GPM6A: variants seen among roughly 807,000 people sequenced by gnomAD.
The protein encoded by GPM6A is neuronal membrane glycoprotein M6-a.
Under a neutral mutation model 32.1 loss-of-function variants are expected in GPM6A, and 7 were observed. The observed-to-expected ratio is 0.22, with a 90% CI of 0.12 to 0.41. The LOEUF (loss-of-function observed/expected upper bound fraction) is 0.41. Among genes scored for constraint, GPM6A ranks in the 10% least tolerant of loss-of-function variants. GPM6A has a pLI of 1.00. For missense variants in GPM6A, 235 were observed against 347.2 expected (o/e 0.68, Z 2.57); for synonymous variants, 130 against 123.4 (o/e 1.05, Z -0.35).
chr4:175,996,846 C>T (rs191196576), intron 1 of GPM6A, among the ~76,000 whole-genome samples: 41 of 152,268 alleles, frequency 2.7e-4, no homozygotes, highest in African/African-American at 9.1e-4. Context: ...CGGCTACCCT[C>T]AATTTCTCCT....
At chr4:175,775,651 T>TA (rs1399288796) in intron 1 of GPM6A, among the ~76,000 whole-genome samples, 3 of 152,074 alleles carry the variant, frequency 2.0e-5, no homozygotes, top group Admixed American at 2.0e-4. Context: ...CATATTCCCT[T>TA]AAAGGACTAC....
chr4:175,647,403 T>A (rs1184791564), intron 4 of GPM6A, among the ~76,000 whole-genome samples: 1 of 152,110 alleles, frequency 6.6e-6, no homozygotes, highest in Non-Finnish European at 1.5e-5. Flanking sequence ...AATAAAAGCA[T>A]CAAAAATACG....
chr4:175,674,241 G>A (rs867821120), intron 2 of GPM6A, among the ~76,000 whole-genome samples: 8 of 152,082 alleles, frequency 5.3e-5, no homozygotes, highest in Admixed American at 2.0e-4. Flanking sequence ...ACAGTGGTGC[G>A]ATCTCGGCTC....
At chr4:175,660,431 A>G (rs1486566808) in intron 3 of GPM6A, among the ~76,000 whole-genome samples, 2 of 152,102 alleles carry the variant, frequency 1.3e-5, no homozygotes, top group Non-Finnish European at 2.9e-5. Flanking sequence ...ACAACCAAGT[A>G]TGGCACTAAT....
chr4:175,776,403 G>C (rs924899808), intron 1 of GPM6A, among the ~76,000 whole-genome samples: 1 of 152,124 alleles, frequency 6.6e-6, no homozygotes, highest in African/African-American at 2.4e-5. Flanking sequence ...CGTGAGGAAC[G>C]GAATCAGGAA....
At chr4:175,728,137 T>TA (rs1731263977) in intron 1 of GPM6A, among the ~76,000 whole-genome samples, 1 of 151,984 alleles carries the variant, frequency 6.6e-6, no homozygotes, top group Admixed American at 6.6e-5. Flanking sequence ...TTCATCATCA[T>TA]AAGGTTATAA....
At chr4:175,800,167 G>C (rs990543519) in intron 1 of GPM6A, among the ~76,000 whole-genome samples, 7 of 152,058 alleles carry the variant, frequency 4.6e-5, no homozygotes, top group African/African-American at 1.7e-4. Flanking sequence ...TTGTGGTTGA[G>C]GGCTTAATGT....
chr4:175,662,489 A>G (rs1391290808), intron 3 of GPM6A, among the ~76,000 whole-genome samples: 1 of 152,036 alleles, frequency 6.6e-6, no homozygotes, highest in African/African-American at 2.4e-5. Flanking sequence ...AATCCCAGCT[A>G]CTAGGGAGGC....
intron 1 of GPM6A, among the ~76,000 whole-genome samples, chr4:175,954,305 A>T (rs919951553): frequency 6.6e-6 from 1 of 152,194 alleles, no homozygotes; most frequent in Non-Finnish European, 1.5e-5. Flanking sequence ...CATCATCTCC[A>T]TGAGTTCTAC....
chr4:175,726,882 G>C (rs945681132), intron 1 of GPM6A, among the ~76,000 whole-genome samples: 1 of 152,104 alleles, frequency 6.6e-6, no homozygotes, highest in African/African-American at 2.4e-5. Flanking sequence ...TGTAATTCCA[G>C]CTATTCAGGA....
At chr4:175,809,627 AG>A (rs1234646967) in intron 1 of GPM6A, among the ~76,000 whole-genome samples, 1 of 152,148 alleles carries the variant, frequency 6.6e-6, no homozygotes, top group East Asian at 1.9e-4. Flanking sequence ...TGGTGGGTGA[AG>A]TCACCCATAC....
chr4:175,945,911 C>T (rs138542772), intron 1 of GPM6A, among the ~76,000 whole-genome samples: 5 of 151,620 alleles, frequency 3.3e-5, no homozygotes, highest in South Asian at 4.2e-4. Flanking sequence ...CTAAGTAATA[C>T]GGGTGCATAT....
intron 2 of GPM6A, among the ~76,000 whole-genome samples, chr4:175,691,275 C>G (rs924515314): frequency 1.3e-5 from 2 of 152,260 alleles, no homozygotes; most frequent in Admixed American, 1.3e-4. Flanking sequence ...GTTTTACATT[C>G]ACTACTTTTG....
At chr4:175,673,283 A>T (rs1357248433) in intron 3 of GPM6A, among the ~76,000 whole-genome samples, 1 of 152,206 alleles carries the variant, frequency 6.6e-6, no homozygotes, top group Admixed American at 6.5e-5. Context: ...AAATCATATG[A>T]TATAGCTGTC....
At chr4:175,962,147 C>A in intron 1 of GPM6A, 2 of 825,052 alleles carry the variant, frequency 2.4e-6, no homozygotes. Flanking sequence ...TGTTACAGGA[C>A]ATCAAGCATC....
chr4:175,716,981 ATTTCAAAG>A (rs1409820177), intron 1 of GPM6A, among the ~76,000 whole-genome samples: 3 of 152,210 alleles, frequency 2.0e-5, no homozygotes, highest in Admixed American at 2.0e-4. Flanking sequence ...TGAAGGAATT[ATTTCAAAG>A]TATGACCTGG....
intron 1 of GPM6A, among the ~76,000 whole-genome samples, chr4:175,740,008 C>G (rs2111163837): frequency 6.6e-6 from 1 of 152,018 alleles, no homozygotes; most frequent in African/African-American, 2.4e-5. Context: ...TAGTATTTGA[C>G]CAATACTTTG....
At chr4:175,991,379 T>A (rs1741140519) in intron 1 of GPM6A, among the ~76,000 whole-genome samples, 1 of 151,966 alleles carries the variant, frequency 6.6e-6, no homozygotes, top group African/African-American at 2.4e-5. Flanking sequence ...CTGGCCTAAA[T>A]CTTGCTTTAG....
intron 1 of GPM6A, among the ~76,000 whole-genome samples, chr4:175,880,331 G>A (rs1284712467): frequency 6.6e-6 from 1 of 152,118 alleles, no homozygotes; most frequent in Non-Finnish European, 1.5e-5. Flanking sequence ...GATGCCTCCA[G>A]CTTTGTTCTT....
Sources: gnomAD v4.1 joint callset for allele counts (sites outside exome capture counted in the v4.1 genomes callset) on GRCh38, gnomAD v4.1.1 for gene constraint, MANE v1.5 for transcripts, NCBI Gene and HGNC (gene_info 2026-07-23, HGNC 2026-07-21) for gene names.